Variants in NUB1 observed in about 807,000 individuals in gnomAD.
NUB1 encodes the protein negative regulator of ubiquitin like proteins 1.
In NUB1, 41 loss-of-function variants were observed where a neutral mutation model predicts 77.1. That is an observed-to-expected ratio of 0.53 (90% CI 0.41 to 0.69). The LOEUF (loss-of-function observed/expected upper bound fraction) is 0.69. Ranked by LOEUF, NUB1 falls within the 30% of genes least tolerant of loss-of-function variation. The pLI, the probability that NUB1 is intolerant of heterozygous loss-of-function variation, is 0.00. For synonymous variants in NUB1, 257 were observed against 281.0 expected, an observed-to-expected ratio of 0.91 and a Z score of 0.85; for missense variants, 643 against 743.8, an observed-to-expected ratio of 0.86 and a Z score of 1.58.
chr7:151,348,817 C>T (rs187660115), intron 2 of NUB1, among the ~76,000 whole-genome samples: 197 of 152,112 alleles, frequency 1.3e-3, no homozygotes, highest in African/African-American at 4.6e-3. Flanking sequence ...TCAAGTGATG[C>T]GCCTGCCTCG....
At chr7:151,374,978 A>G (rs4726018) in intron 12 of NUB1, among the ~76,000 whole-genome samples, 127,926 of 150,038 alleles carry the variant, frequency 0.85, 54,522 homozygotes, top group East Asian at 0.99. Context: ...GGCAGGAAGC[A>G]GAGTGGTAGG....
chr7:151,362,043 G>C (rs1797402129), intron 8 of NUB1, among the ~76,000 whole-genome samples: 1 of 152,118 alleles, frequency 6.6e-6, no homozygotes, highest in African/African-American at 2.4e-5. Context: ...ATAAAGACAT[G>C]GTTGATCTTC....
intron 14 of NUB1, 112 bp downstream of exon 14, chr7:151,376,923 C>G: frequency 7.0e-7 from 1 of 1,431,550 alleles, no homozygotes; most frequent in Non-Finnish European, 9.3e-7. Flanking sequence ...CCCCTGACGT[C>G]ACCGGGCCGG....
intron 1 of NUB1, among the ~76,000 whole-genome samples, chr7:151,344,896 A>AG (rs1435049400): frequency 6.6e-5 from 10 of 152,096 alleles, no homozygotes; most frequent in African/African-American, 1.9e-4. Context: ...GTGAGTAGGG[A>AG]GGCTGATGCA....
intron 11 of NUB1, among the ~76,000 whole-genome samples, chr7:151,371,826 C>G (rs927132502): frequency 6.6e-6 from 1 of 152,172 alleles, no homozygotes; most frequent in African/African-American, 2.4e-5. Flanking sequence ...TCACTGCAAC[C>G]TTGATCTCCC....
chr7:151,345,525 G>A (rs1401839018), intron 2 of NUB1, 59 bp downstream of exon 2: 8 of 945,910 alleles, frequency 8.5e-6, no homozygotes, highest in Non-Finnish European at 1.3e-5. Flanking sequence ...TGGTAAATAA[G>A]ATTCTGAATT....
Position 151,366,948 on chromosome 7 carries a change from CAG to C in NUB1, c.815_816del (p.Glu272AlafsTer7), listed in dbSNP as rs775932810. 2 of 1,604,420 alleles carry C rather than the reference CAG, an allele frequency of 1.2e-6. No homozygotes were observed. Among genetic ancestry groups the C allele is most frequent in the Non-Finnish European group, 1.7e-6 (2 of 1,175,550 alleles). On this transcript the variant is annotated frameshift_variant, in exon 9 of 15. Transcript: ENST00000568733. LOFTEE classifies it high-confidence loss of function. ...DADKYFCECC[R>X]ELLDTVDNYA... ...GTCCTTCTCTTTCCAGTGAGTGTTGCAGAGAGCTGCTGGACACAGTGGATAAC... is the reference window on the plus strand; with the variant it reads ...GTCCTTCTCTTTCCAGTGAGTGTTGCAGAGCTGCTGGACACAGTGGATAAC...
chr7:151,364,107 TTAAA>T, intron 8 of NUB1, among the ~76,000 whole-genome samples: 1 of 149,870 alleles, frequency 6.7e-6, no homozygotes, highest in South Asian at 2.2e-4. Flanking sequence ...AATTTTTATG[TTAAA>T]TAAATATTAA....
intron 7 of NUB1, 30 bp from the exon 8 acceptor site, chr7:151,360,111 G>T: frequency 9.5e-7 from 1 of 1,053,000 alleles, no homozygotes; most frequent in Non-Finnish European, 1.4e-6. Context: ...ATTTTAAAGT[G>T]ATGTTTTTTA....
chr7:151,359,415 C>G (rs1295097779), intron 7 of NUB1, among the ~76,000 whole-genome samples: 3 of 150,140 alleles, frequency 2.0e-5, no homozygotes, highest in Admixed American at 2.0e-4. Context: ...TGCACTCCAG[C>G]CTGGGTGACA....
rs1192882395 is a variant in NUB1 at position 151,365,432 on chromosome 7, A to G, written c.801-1507A>G. ...GAGGCCATTTCTGCCCACGCTCTTG[A>G]TGCTTAGTAAAACATGAACGAGCCT... On this transcript the variant is annotated intron_variant, in intron 8 of 14. Transcript: ENST00000568733. 2.6e-5 allele frequency among the ~76,000 whole-genome samples: 4 copies of G among 151,830 alleles called. No individual in the cohort carries two copies. In the East Asian group the frequency reaches 7.7e-4, roughly 29 times the overall value.
intron 7 of NUB1, among the ~76,000 whole-genome samples, chr7:151,359,652 C>CT (rs1353045071): frequency 1.3e-5 from 2 of 152,024 alleles, no homozygotes; most frequent in Admixed American, 6.6e-5. Context: ...TGGCTCATGC[C>CT]TGTAGTCCTA....
intron 13 of NUB1, 44 bp downstream of exon 13, chr7:151,375,987 T>C: frequency 8.4e-7 from 1 of 1,191,920 alleles, no homozygotes; most frequent in Non-Finnish European, 1.3e-6. Context: ...CAGCCTCGGG[T>C]GGGGTTGCTT....
At chr7:151,344,611 C>G (rs1217983652) in intron 1 of NUB1, among the ~76,000 whole-genome samples, 1 of 151,968 alleles carries the variant, frequency 6.6e-6, no homozygotes, top group African/African-American at 2.4e-5. Flanking sequence ...GCCACCACAC[C>G]CATCCGAAAA....
chr7:151,345,387 AG>A lies in NUB1; in HGVS notation c.39del (p.Gln13HisfsTer3), dbSNP rs1554405879. ...AAATATCTTCAAGCAAAATTGACCC[AG>A]TTTTTAAGGGAAGACAGGATTCAAC... ...QKKYLQAKLT[Q>X]FLREDRIQLW... On this transcript the variant is annotated frameshift_variant, in exon 2 of 15. Coordinates refer to ENST00000568733, the MANE Select transcript of NUB1 (RefSeq NM_001243351.2). LOFTEE classifies it high-confidence loss of function. 4 of 1,612,814 alleles carry A rather than the reference AG, an allele frequency of 2.5e-6. No individual in the cohort carries two copies. Among genetic ancestry groups the A allele is most frequent in the Non-Finnish European group, 3.4e-6 (4 of 1,179,446 alleles).
At chr7:151,350,734 G>A (rs1417655156) in intron 3 of NUB1, among the ~76,000 whole-genome samples, 2 of 151,976 alleles carry the variant, frequency 1.3e-5, no homozygotes, top group African/African-American at 4.8e-5. Flanking sequence ...TGTGCCCTCG[G>A]TCTCTTGCCT....
At chr7:151,351,344 C>A in intron 3 of NUB1, 80 bp from the exon 4 acceptor site, 1 of 1,052,578 alleles carries the variant, frequency 9.5e-7, no homozygotes, top group Non-Finnish European at 1.4e-6. Context: ...CCTCTGCCGT[C>A]AGCTTTTCTG....
In NUB1 at chr7:151,367,979, T is replaced by C; in HGVS notation, c.1095+11T>C. 6.8e-7 allele frequency: 1 copy of C among 1,475,634 alleles called. No individual in the cohort carries two copies. Among genetic ancestry groups the C allele is most frequent in the Non-Finnish European group, 9.2e-7 (1 of 1,084,744 alleles). 91.4% of individuals were successfully genotyped at this position (1,475,634 alleles called of 1,614,324 possible). On this transcript the variant is annotated intron_variant, in intron 10 of 14. Coordinates refer to ENST00000568733, the MANE Select transcript of NUB1 (RefSeq NM_001243351.2). ...GAGTATCTTAACAAGGTAAGAAAAG[T>C]AAAGTTGTAACCAATTTTCACCTCC...
chr7:151,356,992 C>T (rs900501939), intron 7 of NUB1, among the ~76,000 whole-genome samples: 10 of 152,086 alleles, frequency 6.6e-5, no homozygotes, highest in Non-Finnish European at 1.0e-4. Flanking sequence ...GCTGGGATTA[C>T]AGGCGTGAGC....
Sources: gnomAD v4.1 joint callset for allele counts (sites outside exome capture counted in the v4.1 genomes callset) on GRCh38, gnomAD v4.1.1 for gene constraint, MANE v1.5 for transcripts, NCBI Gene and HGNC (gene_info 2026-07-23, HGNC 2026-07-21) for gene names.